Variants in XXYLT1 observed in about 807,000 individuals in gnomAD.
The protein encoded by XXYLT1 is UDP-xylose:alpha-xyloside alpha-1,3-xylosyltransferase.
XXYLT1 carries 20 observed loss-of-function variants against 28.9 expected under a neutral mutation model. That is an observed-to-expected ratio of 0.69 (90% CI 0.49 to 1.00). The LOEUF is 1.00. Among genes scored for constraint, XXYLT1 ranks in the 50% least tolerant of loss-of-function variants. XXYLT1 has a pLI of 0.00. For missense variants in XXYLT1, 542 were observed against 560.1 expected (o/e 0.97, Z 0.33); for synonymous variants, 257 against 253.8 (o/e 1.01, Z -0.12).
intron 3 of XXYLT1, among the ~76,000 whole-genome samples, chr3:195,075,655 A>G (rs1715071768): frequency 6.6e-6 from 1 of 152,204 alleles, no homozygotes; most frequent in South Asian, 2.1e-4. Context: ...CACTTGGAGG[A>G]GAGCTGGGTG....
At chr3:195,093,779 C>G (rs1438657754) in intron 3 of XXYLT1, 1 of 152,206 alleles carries the variant, frequency 6.6e-6, no homozygotes, top group African/African-American at 2.4e-5. Context: ...AAAATAACAG[C>G]AGTTCTGCTG....
chr3:195,269,767 G>A (rs1165455571), intron 1 of XXYLT1, among the ~76,000 whole-genome samples: 1 of 152,134 alleles, frequency 6.6e-6, no homozygotes, highest in African/African-American at 2.4e-5. Flanking sequence ...ACAACTATTA[G>A]GTCAAAATCA....
At chr3:195,170,225 C>T (rs1721342115) in intron 2 of XXYLT1, among the ~76,000 whole-genome samples, 1 of 152,152 alleles carries the variant, frequency 6.6e-6, no homozygotes, top group Non-Finnish European at 1.5e-5. Context: ...CAAAATACCA[C>T]TGGAATAAGT....
intron 3 of XXYLT1, among the ~76,000 whole-genome samples, chr3:195,130,377 A>C (rs1290203010): frequency 1.3e-5 from 2 of 152,240 alleles, no homozygotes; most frequent in African/African-American, 4.8e-5. Context: ...CTGGGCTTAG[A>C]GGGGAAAGGC....
intron 3 of XXYLT1, among the ~76,000 whole-genome samples, chr3:195,110,774 T>C (rs1717638478): frequency 1.9e-5 from 2 of 102,996 alleles, no homozygotes. Context: ...GTGTGGTGTG[T>C]GTGTGGTGTA....
At chr3:195,232,674 T>C (rs192308258) in intron 1 of XXYLT1, among the ~76,000 whole-genome samples, 1 of 152,310 alleles carries the variant, frequency 6.6e-6, no homozygotes, top group East Asian at 1.9e-4. Flanking sequence ...TCAGTTTCCA[T>C]GTGTTTGTAT....
In XXYLT1 at chr3:195,077,658, G is replaced by A. The variant is rs1321964334; in HGVS notation, c.786-7547C>T. Among the ~76,000 whole-genome samples the A allele has an allele frequency of 1.3e-5, 2 of 152,188 alleles. No homozygotes were observed. The highest frequency in any genetic ancestry group is 3.9e-4 in the East Asian group (2 of 5,184). ...CGCGGCCTGGGGCTGGACGTCGTAG[G>A]GGGTGAATGGCCCTGATGGCAAGGC... On this transcript the variant is annotated intron_variant, in intron 3 of 3. Transcript: ENST00000310380. The surrounding 1 kb of genome is among the most constrained non-coding windows in gnomAD (Gnocchi z 4.8).
chr3:195,149,652 C>T (rs989981210), intron 3 of XXYLT1, among the ~76,000 whole-genome samples: 7 of 152,242 alleles, frequency 4.6e-5, no homozygotes, highest in African/African-American at 1.7e-4. Flanking sequence ...ACATTCGTCC[C>T]TCCCCCCATC....
At chr3:195,231,747 G>A (rs1022783834) in intron 1 of XXYLT1, among the ~76,000 whole-genome samples, 25 of 142,076 alleles carry the variant, frequency 1.8e-4, no homozygotes, top group Non-Finnish European at 3.3e-4. Flanking sequence ...TGGTCATGAT[G>A]AATGATTTTT....
At chr3:195,246,849 C>A (rs929639849) in intron 1 of XXYLT1, among the ~76,000 whole-genome samples, 2 of 152,210 alleles carry the variant, frequency 1.3e-5, no homozygotes, top group African/African-American at 4.8e-5. Flanking sequence ...CCAGCCCCCA[C>A]AGCCACAGCC....
chr3:195,069,886 G>A lies in XXYLT1; in HGVS notation c.1011C>T (p.Ile337=), dbSNP rs764999070. ...HLGDQDFFTM[I]GMEHPKLFHV... ...GGAAGAGCTTGGGGTGCTCCATGCCGATCATGGTGAAGAAGTCCTGGTCCC... is the reference window on the plus strand; with the variant it reads ...GGAAGAGCTTGGGGTGCTCCATGCCAATCATGGTGAAGAAGTCCTGGTCCC... Residue 337 remains isoleucine (I), a synonymous_variant, in exon 4 of 4, where the codon ATC becomes ATT. Transcript: ENST00000310380. The A allele has an allele frequency of 9.9e-6, 16 of 1,614,104 alleles. No homozygotes were observed. Among genetic ancestry groups the A allele is most frequent in the South Asian group, 3.3e-5 (3 of 91,082 alleles).
chr3:195,179,075 CT>C, intron 2 of XXYLT1, among the ~76,000 whole-genome samples: 1 of 152,236 alleles, frequency 6.6e-6, no homozygotes, highest in East Asian at 1.9e-4. Flanking sequence ...GGCGCGGTGG[CT>C]CACGCCTGTA....
chr3:195,207,823 C>T (rs1257826124), intron 2 of XXYLT1, among the ~76,000 whole-genome samples: 4 of 152,208 alleles, frequency 2.6e-5, no homozygotes, highest in African/African-American at 9.6e-5. Flanking sequence ...ACTCAATTCC[C>T]CTCTCACTCG....
intron 3 of XXYLT1, among the ~76,000 whole-genome samples, chr3:195,095,035 G>A (rs1716347489): frequency 6.6e-6 from 1 of 152,198 alleles, no homozygotes. Flanking sequence ...CTGGGATTCC[G>A]CATCGCTGAC....
chr3:195,086,892 G>A (rs1715761097), intron 3 of XXYLT1, among the ~76,000 whole-genome samples: 2 of 152,210 alleles, frequency 1.3e-5, no homozygotes, highest in Non-Finnish European at 1.5e-5. Context: ...TGGGGTCAGT[G>A]GCAGTGGCTG....
At chr3:195,151,362 G>A (rs1720237151) in intron 3 of XXYLT1, among the ~76,000 whole-genome samples, 1 of 151,754 alleles carries the variant, frequency 6.6e-6, no homozygotes, top group Non-Finnish European at 1.5e-5. Context: ...TGGCCAACAT[G>A]GCTACTAATA....
intron 3 of XXYLT1, among the ~76,000 whole-genome samples, chr3:195,152,002 T>A (rs12631534): frequency 0.035 from 5,322 of 152,278 alleles, 176 homozygotes; most frequent in East Asian, 0.15. Flanking sequence ...GTTAGAGATA[T>A]GTATCCCACT....
intron 2 of XXYLT1, among the ~76,000 whole-genome samples, chr3:195,219,383 C>T (rs188563336): frequency 2.0e-5 from 3 of 152,256 alleles, no homozygotes; most frequent in Admixed American, 2.0e-4. Flanking sequence ...GCTTTTACTA[C>T]ATTTGTCAAA....
At chr3:195,136,070 G>A (rs534385922) in intron 3 of XXYLT1, among the ~76,000 whole-genome samples, 13 of 152,230 alleles carry the variant, frequency 8.5e-5, no homozygotes, top group African/African-American at 2.2e-4. Flanking sequence ...AGCCATGCAC[G>A]GCTGCCTTTA....
Sources: allele counts gnomAD v4.1 joint callset (sites outside exome capture counted in the v4.1 genomes callset), GRCh38; gene constraint gnomAD v4.1.1; non-coding constraint Gnocchi (gnomAD v3.1); transcripts MANE v1.5; gene names NCBI Gene and HGNC (gene_info 2026-07-23, HGNC 2026-07-21).